Variants in ADAM10 observed in about 807,000 individuals in gnomAD.
The protein encoded by ADAM10 is ADAM metallopeptidase domain 10, also known as disintegrin and metalloproteinase domain-containing protein 10.
In ADAM10, 17 loss-of-function variants were observed where a neutral mutation model predicts 90.1. The observed-to-expected ratio is 0.19, with a 90% CI of 0.13 to 0.28. The LOEUF (loss-of-function observed/expected upper bound fraction) is 0.28. ADAM10 is among the 10% of genes least tolerant of loss of function. The pLI is 1.00. For missense variants in ADAM10, 610 were observed against 914.3 expected (o/e 0.67, Z 4.29); for synonymous variants, 310 against 298.6 (o/e 1.04, Z -0.40).
At chr15:58,685,539 AAGG>A (rs1262278601) in intron 2 of ADAM10, among the ~76,000 whole-genome samples, 3 of 131,544 alleles carry the variant, frequency 2.3e-5, no homozygotes, top group Non-Finnish European at 4.9e-5. Flanking sequence ...CAAGAATATG[AAGG>A]AGAATATATA....
intron 14 of ADAM10, among the ~76,000 whole-genome samples, chr15:58,603,877 A>T (rs530690236): frequency 9.8e-5 from 8 of 81,252 alleles, no homozygotes; most frequent in East Asian, 6.1e-4. Context: ...GTCCAGGGTT[A>T]AAAAAAAAAA....
At chr15:58,605,619 C>G (rs1313536047) in intron 14 of ADAM10, among the ~76,000 whole-genome samples, 1 of 152,224 alleles carries the variant, frequency 6.6e-6, no homozygotes, top group Admixed American at 6.5e-5. Flanking sequence ...GAAAGGGGAG[C>G]TGTCATTCAT....
intron 10 of ADAM10, among the ~76,000 whole-genome samples, chr15:58,622,021 C>A (rs924328495): frequency 6.6e-5 from 10 of 151,854 alleles, no homozygotes; most frequent in Non-Finnish European, 8.8e-5. Context: ...TTCAAACACA[C>A]CTAAAAGTAA....
In ADAM10 at chr15:58,592,864, T is replaced by A. The variant is rs1791215283; in HGVS notation, c.*4683A>T. 1 of 150,790 alleles carries A rather than the reference T, an allele frequency of 6.6e-6. No homozygotes were observed. The highest frequency in any genetic ancestry group is 1.5e-5 in the Non-Finnish European group (1 of 67,776). The allele number at this position is 150,790 out of a possible 1,614,324, so 9.3% of individuals were successfully genotyped here. ...CTCAAAAAACCTTTACCCCAACAAT[T>A]CCACTTTTAGGAATTAATTTCATTA... On this transcript the variant is annotated 3_prime_UTR_variant, in exon 16 of 16. Transcript: ENST00000260408.
rs201733630 is a variant in ADAM10, at chr15:58,633,298, T to C, written c.1074A>G (p.Leu358=). The change falls in exon 9 of 16, where the codon TTA becomes TTG. Residue 358 remains leucine (L), a synonymous_variant. Coordinates refer to ENST00000260408, the MANE Select transcript of ADAM10 (RefSeq NM_001110.4). The stretch of plus-strand genomic sequence containing the variant: ...TCTGAACAGTAATAATTCCAGTGTT[T>C]AAGGACTTCTTCTTACCATCTGAAT... The part of the protein sequence containing the change: ...KLYSDGKKKS[L]NTGIITVQNY... 9.9e-6 allele frequency: 16 copies of C among 1,613,328 alleles called. No individual in the cohort carries two copies. The highest frequency in any genetic ancestry group is 1.3e-5 in the Non-Finnish European group (15 of 1,179,456).
chr15:58,661,570 T>A (rs759785538), intron 5 of ADAM10, among the ~76,000 whole-genome samples: 16 of 152,178 alleles, frequency 1.1e-4, no homozygotes, highest in Non-Finnish European at 1.5e-4. Flanking sequence ...CCTGCTTTTA[T>A]GGTTTTTTAT....
intron 1 of ADAM10, among the ~76,000 whole-genome samples, chr15:58,741,584 G>T (rs1465838398): frequency 2.0e-5 from 3 of 152,120 alleles, no homozygotes; most frequent in African/African-American, 7.2e-5. Flanking sequence ...AACGACTGAG[G>T]TCTTCAAAGT....
At chr15:58,605,852 A>G (rs1189428306) in intron 14 of ADAM10, among the ~76,000 whole-genome samples, 3 of 152,210 alleles carry the variant, frequency 2.0e-5, no homozygotes, top group African/African-American at 7.2e-5. Flanking sequence ...TCAAAATTAA[A>G]TAGTCTAATT....
intron 10 of ADAM10, 69 bp from the exon 11 acceptor site, chr15:58,621,690 T>G (rs540474723): frequency 3.2e-6 from 5 of 1,573,900 alleles, no homozygotes; most frequent in Non-Finnish European, 4.3e-6. Context: ...ATTCACAAAT[T>G]CTTTAGATCA....
intron 14 of ADAM10, among the ~76,000 whole-genome samples, chr15:58,606,042 C>T (rs1895263465): frequency 6.6e-6 from 1 of 152,112 alleles, no homozygotes; most frequent in Non-Finnish European, 1.5e-5. Flanking sequence ...TTAAAGACCT[C>T]CAGAAAGTCA....
At chr15:58,627,987 G>A (rs1269906444) in intron 9 of ADAM10, 104 bp from the exon 10 acceptor site, 3 of 1,147,206 alleles carry the variant, frequency 2.6e-6, no homozygotes, top group East Asian at 5.0e-5. Flanking sequence ...GGAAGCTTGT[G>A]GACTCTCCTT....
chr15:58,610,741 G>T (rs1393307298), intron 13 of ADAM10: 29 of 646,140 alleles, frequency 4.5e-5, no homozygotes, highest in Non-Finnish European at 7.4e-5. Context: ...TGTCCACGAT[G>T]ACTTAAAGTC....
intron 2 of ADAM10, among the ~76,000 whole-genome samples, chr15:58,716,500 T>C (rs1161786832): frequency 2.6e-5 from 4 of 152,342 alleles, no homozygotes; most frequent in African/African-American, 7.2e-5. Flanking sequence ...GTTTACATGG[T>C]ATATTCACAG....
At chr15:58,696,993 A>C (rs1039959894) in intron 2 of ADAM10, among the ~76,000 whole-genome samples, 1 of 152,096 alleles carries the variant, frequency 6.6e-6, no homozygotes, top group African/African-American at 2.4e-5. Context: ...ACCTACAGCC[A>C]CTGTTGTGAT....
At chr15:58,713,025 T>C (rs1214587196) in intron 2 of ADAM10, among the ~76,000 whole-genome samples, 54 of 152,284 alleles carry the variant, frequency 3.5e-4, no homozygotes, top group Admixed American at 3.2e-3. Flanking sequence ...CAATTACCGA[T>C]GAGGATGACA....
rs1444583489 is a variant in ADAM10 at position 58,589,288 on chromosome 15, T to C, written c.*8259A>G. 6.6e-6 allele frequency: 1 copy of C among 152,200 alleles called. No homozygotes were observed. The highest frequency in any genetic ancestry group is 1.5e-5 in the Non-Finnish European group (1 of 68,050). 9.4% of individuals were successfully genotyped at this position (152,200 alleles called of 1,614,324 possible). A position where few individuals can be genotyped will look rare whatever the true frequency, so the allele number is the denominator to read the frequency against. Reference sequence around the variant, plus strand: ...AGAGTCATGAAAATAGCAAAGAACATGACGACAGTCAACTGCCCCATGGTT... The same window carrying C: ...AGAGTCATGAAAATAGCAAAGAACACGACGACAGTCAACTGCCCCATGGTT... On this transcript the variant is annotated 3_prime_UTR_variant, in exon 16 of 16. Transcript: ENST00000260408.
chr15:58,628,279 A>T (rs552895046), intron 9 of ADAM10, among the ~76,000 whole-genome samples: 1 of 152,322 alleles, frequency 6.6e-6, no homozygotes, highest in African/African-American at 2.4e-5. Context: ...TTCAGAGAAG[A>T]CAGAGGTGGG....
At chr15:58,715,161 C>G (rs1369577586) in intron 2 of ADAM10, among the ~76,000 whole-genome samples, 1 of 152,064 alleles carries the variant, frequency 6.6e-6, no homozygotes, top group African/African-American at 2.4e-5. Context: ...GTGGCTCATG[C>G]CTGTAATCCC....
chr15:58,715,689 G>A (rs1263326955), intron 2 of ADAM10, among the ~76,000 whole-genome samples: 2 of 151,988 alleles, frequency 1.3e-5, no homozygotes, highest in African/African-American at 4.8e-5. Context: ...AACATTTTTT[G>A]GACAACTACA....
Sources: gnomAD v4.1 joint callset for allele counts (sites outside exome capture counted in the v4.1 genomes callset) on GRCh38, gnomAD v4.1.1 for gene constraint, MANE v1.5 for transcripts, NCBI Gene and HGNC (gene_info 2026-07-23, HGNC 2026-07-21) for gene names.